The following GALNTL6 variants were observed in gnomAD, a reference collection of about 807,000 sequenced individuals.
GALNTL6 encodes polypeptide N-acetylgalactosaminyltransferase like 6.
Under a neutral mutation model 73.7 loss-of-function variants are expected in GALNTL6, and 46 were observed. The ratio of observed to expected loss-of-function variants is 0.62; its 90% CI spans 0.49 to 0.80. The LOEUF is 0.80. Ranked by LOEUF, GALNTL6 falls within the 30% of genes least tolerant of loss-of-function variation. GALNTL6 has a pLI of 0.00. For missense variants in GALNTL6, 604 were observed against 755.0 expected (o/e 0.80, Z 2.34); for synonymous variants, 259 against 263.7 (o/e 0.98, Z 0.17).
intron 2 of GALNTL6, among the ~76,000 whole-genome samples, chr4:171,841,524 T>C (rs899915035): frequency 1.3e-5 from 2 of 152,130 alleles, no homozygotes; most frequent in African/African-American, 2.4e-5. Flanking sequence ...CAATTTTATG[T>C]ATTAGTTTAA....
rs1753875120 is a variant in GALNTL6, at chr4:173,041,202, T to C, written c.*1102T>C. 6.7e-6 allele frequency: 1 copy of C among 148,282 alleles called. No homozygotes were observed. Among genetic ancestry groups the C allele is most frequent in the East Asian group, 1.9e-4 (1 of 5,184 alleles). 9.2% of individuals were successfully genotyped at this position (148,282 alleles called of 1,614,324 possible). ...TTGCTTTTGTTTTTTATTTTTTTCT[T>C]GTTTTTTTTTTGTAGTGTTGAATTA... On this transcript the variant is annotated 3_prime_UTR_variant, in exon 13 of 13. Transcript: ENST00000506823.
chr4:172,650,201 C>T (rs1740414360), intron 5 of GALNTL6, among the ~76,000 whole-genome samples: 2 of 152,068 alleles, frequency 1.3e-5, no homozygotes, highest in Admixed American at 6.6e-5. Flanking sequence ...AGGAGTGGGT[C>T]GCCCTCTAAC....
chr4:173,036,306 T>A (rs1288728324), intron 12 of GALNTL6, among the ~76,000 whole-genome samples: 2 of 152,198 alleles, frequency 1.3e-5, no homozygotes, highest in East Asian at 3.8e-4. Context: ...GTGTGGAATC[T>A]TTTCTGTAAC....
intron 5 of GALNTL6, among the ~76,000 whole-genome samples, chr4:172,711,456 C>A (rs1308334093): frequency 6.6e-6 from 1 of 152,108 alleles, no homozygotes; most frequent in African/African-American, 2.4e-5. Context: ...TCAGTTGTGG[C>A]ACAAACTCAG....
At chr4:171,852,978 C>T (rs1018097251) in intron 2 of GALNTL6, among the ~76,000 whole-genome samples, 1 of 148,146 alleles carries the variant, frequency 6.8e-6, no homozygotes, top group Non-Finnish European at 1.5e-5. Flanking sequence ...TCCCGAGTAG[C>T]TGGGACTACA....
intron 2 of GALNTL6, among the ~76,000 whole-genome samples, chr4:172,044,726 T>C (rs1457807954): frequency 6.6e-6 from 1 of 152,042 alleles, no homozygotes; most frequent in African/African-American, 2.4e-5. Context: ...ATTAATCCTT[T>C]GTAATAGAGT....
chr4:172,557,850 T>C (rs1736203446), intron 5 of GALNTL6, among the ~76,000 whole-genome samples: 1 of 152,050 alleles, frequency 6.6e-6, no homozygotes, highest in South Asian at 2.1e-4. Flanking sequence ...TTTTTTAAGA[T>C]GTTAAGCATA....
intron 5 of GALNTL6, among the ~76,000 whole-genome samples, chr4:172,377,535 C>T (rs949643111): frequency 2.6e-5 from 4 of 152,292 alleles, no homozygotes; most frequent in Admixed American, 2.0e-4. Flanking sequence ...TCAGTGCGCC[C>T]GCAGTCCTCA....
At chr4:172,379,389 G>A (rs1167754114) in intron 5 of GALNTL6, among the ~76,000 whole-genome samples, 1 of 151,948 alleles carries the variant, frequency 6.6e-6, no homozygotes, top group Non-Finnish European at 1.5e-5. Flanking sequence ...AATTAGCCGG[G>A]CACGGTGGCG....
intron 2 of GALNTL6, among the ~76,000 whole-genome samples, chr4:171,834,189 G>T (rs781371972): frequency 6.6e-6 from 1 of 151,914 alleles, no homozygotes; most frequent in Non-Finnish European, 1.5e-5. Flanking sequence ...CTAAGTATAA[G>T]TATTTTCAAT....
At chr4:172,250,358 C>T (rs1737816161) in intron 3 of GALNTL6, among the ~76,000 whole-genome samples, 1 of 152,086 alleles carries the variant, frequency 6.6e-6, no homozygotes, top group South Asian at 2.1e-4. Context: ...TCAGATGAAA[C>T]CTTGGACTTG....
intron 2 of GALNTL6, among the ~76,000 whole-genome samples, chr4:172,090,510 T>C (rs1732173127): frequency 1.3e-5 from 2 of 152,336 alleles, no homozygotes; most frequent in South Asian, 4.1e-4. Flanking sequence ...TTTTGAGAAG[T>C]GTCTGTTCAT....
At chr4:172,329,432 T>A (rs1044738525) in intron 4 of GALNTL6, among the ~76,000 whole-genome samples, 2 of 152,158 alleles carry the variant, frequency 1.3e-5, no homozygotes, top group African/African-American at 4.8e-5. Context: ...TAGTCCCTAG[T>A]CACCTTAGAT....
intron 8 of GALNTL6, among the ~76,000 whole-genome samples, chr4:172,897,163 G>T (rs1176649221): frequency 6.6e-6 from 1 of 152,230 alleles, no homozygotes; most frequent in African/African-American, 2.4e-5. Flanking sequence ...TCGGGGAGCT[G>T]CTATGGGTAG....
At chr4:172,384,996 T>C (rs1347002865) in intron 5 of GALNTL6, among the ~76,000 whole-genome samples, 7 of 146,590 alleles carry the variant, frequency 4.8e-5, no homozygotes, top group Non-Finnish European at 9.0e-5. Flanking sequence ...TGTGTGTGTT[T>C]TGTTTCGTTT....
intron 2 of GALNTL6, among the ~76,000 whole-genome samples, chr4:172,020,366 A>G (rs959245235): frequency 8.2e-5 from 12 of 145,596 alleles, no homozygotes; most frequent in Non-Finnish European, 1.3e-4. Flanking sequence ...TCAAAGAAAC[A>G]AAAGGTTGCT....
chr4:172,348,528 A>G lies in GALNTL6; in HGVS notation c.392A>G (p.Lys131Arg). Reference sequence around the variant, plus strand: ...TTCTTTTCCCTCATCTCCAGCTGTAAGCATAAGATGTATCTGGAAAGGCTG... The same window carrying G: ...TTCTTTTCCCTCATCTCCAGCTGTAGGCATAAGATGTATCTGGAAAGGCTG... Reference protein sequence around the residue: ...SLPDIRHANCKHKMYLERLPN... With the variant: ...SLPDIRHANCRHKMYLERLPN... The change falls in exon 5 of 13, where the codon AAG becomes AGG. Residue 131 changes from lysine (K) to arginine (R), a missense_variant. This residue lies in a region of GALNTL6 where 141 missense variants were observed against 156.6 expected (regional missense o/e 0.90). Coordinates refer to ENST00000506823, the MANE Select transcript of GALNTL6 (RefSeq NM_001034845.3). 6.2e-7 allele frequency: 1 copy of G among 1,610,234 alleles called. No homozygotes were observed. Among genetic ancestry groups the G allele is most frequent in the South Asian group, 1.1e-5 (1 of 90,250 alleles).
chr4:172,401,253 C>G (rs1177132440), intron 5 of GALNTL6, among the ~76,000 whole-genome samples: 4 of 152,064 alleles, frequency 2.6e-5, no homozygotes, highest in African/African-American at 9.7e-5. Flanking sequence ...TCACAAAGAG[C>G]TTTATCCTTC....
intron 4 of GALNTL6, among the ~76,000 whole-genome samples, chr4:172,313,381 C>G (rs1740433545): frequency 6.6e-6 from 1 of 152,058 alleles, no homozygotes; most frequent in Non-Finnish European, 1.5e-5. Flanking sequence ...CCTCAGCCTC[C>G]CAAAGTGCTG....
Sources: allele counts gnomAD v4.1 joint callset (sites outside exome capture counted in the v4.1 genomes callset), GRCh38; gene constraint gnomAD v4.1.1; regional missense constraint gnomAD v4.1.1; transcripts MANE v1.5; gene names NCBI Gene and HGNC (gene_info 2026-07-23, HGNC 2026-07-21).